MECOM: variants seen among roughly 807,000 people sequenced by gnomAD.
MECOM encodes the protein MDS1 and EVI1 complex locus.
MECOM carries 13 observed loss-of-function variants against 116.3 expected under a neutral mutation model. That is an observed-to-expected ratio of 0.11 (90% CI 0.07 to 0.18). MECOM has a LOEUF of 0.18. MECOM is among the 10% of genes least tolerant of loss of function. The pLI is 1.00. For missense variants in MECOM, 1,299 were observed against 1,509.0 expected (o/e 0.86, Z 2.31); for synonymous variants, 528 against 535.2 (o/e 0.99, Z 0.19).
At chr3:169,109,671 C>T (rs1330843245) in intron 9 of MECOM, among the ~76,000 whole-genome samples, 2 of 152,226 alleles carry the variant, frequency 1.3e-5, no homozygotes, top group Non-Finnish European at 2.9e-5. Flanking sequence ...CCGCCTCGGC[C>T]TCCCAAAGTG....
chr3:169,091,384 C>G (rs925645412), intron 14 of MECOM, among the ~76,000 whole-genome samples: 4 of 152,072 alleles, frequency 2.6e-5, no homozygotes, highest in African/African-American at 7.2e-5. Flanking sequence ...CTTCTTATTT[C>G]TGTGCTGTTT....
At chr3:169,147,844 G>C (rs1560280285) in intron 2 of MECOM, 1 of 465,698 alleles carries the variant, frequency 2.1e-6, no homozygotes, top group South Asian at 9.4e-5. Flanking sequence ...TGTGTGCACC[G>C]AGGCAGGAGG....
intron 1 of MECOM, among the ~76,000 whole-genome samples, chr3:169,526,998 G>C (rs894197708): frequency 6.6e-6 from 1 of 152,208 alleles, no homozygotes; most frequent in African/African-American, 2.4e-5. Flanking sequence ...ATTAAAAAGA[G>C]ACGAGTTTCG....
At chr3:169,363,502 C>T (rs1234204405) in intron 2 of MECOM, among the ~76,000 whole-genome samples, 1 of 151,900 alleles carries the variant, frequency 6.6e-6, no homozygotes, top group Non-Finnish European at 1.5e-5. Flanking sequence ...GATCAAGGCA[C>T]ACCTTTGTTT....
At position 169,116,191 on chromosome 3, in the gene MECOM, G is replaced by T; in HGVS notation, c.1681C>A (p.Pro561Thr). 1.9e-6 allele frequency: 3 copies of T among 1,614,154 alleles called. No homozygotes were observed. The highest frequency in any genetic ancestry group is 2.5e-6 in the Non-Finnish European group (3 of 1,180,030). Residue 561 changes from proline to threonine, a missense_variant, in exon 8 of 17, where the codon CCC becomes ACC. Around this residue, in one of 6 missense-constraint regions of MECOM, gnomAD observed 238 missense variants for 273.1 expected, o/e 0.87. Transcript: ENST00000651503. ...GGCCTCTCTTCAGAGGACCTCTCGG[G>T]CTGGAGCTCCACTGGCTTATTGTCC... ...VGDNKPVELQPERSSEERPFE... is the reference protein window; with the variant it reads ...VGDNKPVELQTERSSEERPFE...
intron 1 of MECOM, among the ~76,000 whole-genome samples, chr3:169,444,435 A>T (rs1324861224): frequency 6.6e-6 from 1 of 152,100 alleles, no homozygotes; most frequent in African/African-American, 2.4e-5. Context: ...TATTCTCGTG[A>T]TAGTGAATAA....
At chr3:169,633,819 G>A (rs915634502) in intron 1 of MECOM, among the ~76,000 whole-genome samples, 2 of 150,728 alleles carry the variant, frequency 1.3e-5, no homozygotes, top group African/African-American at 4.9e-5. Context: ...CCTAAGACAA[G>A]CAAAGGGTGA....
intron 1 of MECOM, among the ~76,000 whole-genome samples, chr3:169,433,054 T>C (rs1162026786): frequency 2.6e-5 from 4 of 152,214 alleles, no homozygotes; most frequent in African/African-American, 9.6e-5. Context: ...ATTTTTCTTT[T>C]GGAATCAAGG....
chr3:169,166,319 A>G (rs1279134551), intron 2 of MECOM, among the ~76,000 whole-genome samples: 1 of 152,118 alleles, frequency 6.6e-6, no homozygotes, highest in African/African-American at 2.4e-5. Context: ...TATTTTCAGG[A>G]CTCTAGCCTT....
intron 5 of MECOM, among the ~76,000 whole-genome samples, chr3:169,123,010 A>T (rs1407720686): frequency 3.3e-5 from 5 of 152,082 alleles, no homozygotes; most frequent in Non-Finnish European, 7.4e-5. Flanking sequence ...AAGCATGATA[A>T]ACAACAAGCT....
chr3:169,639,080 C>T (rs1289072283), intron 1 of MECOM, among the ~76,000 whole-genome samples: 1 of 152,086 alleles, frequency 6.6e-6, no homozygotes, highest in East Asian at 1.9e-4. Flanking sequence ...GTGAACCAAT[C>T]ATTAGGATTA....
At chr3:169,505,885 C>T (rs1225659753) in intron 1 of MECOM, among the ~76,000 whole-genome samples, 1 of 152,202 alleles carries the variant, frequency 6.6e-6, no homozygotes, top group East Asian at 1.9e-4. Flanking sequence ...TCTTGAAAGG[C>T]TCTCACTGCC....
rs1164704628 is a variant in MECOM, at chr3:169,434,062, C to G, written c.38-52538G>C. On this transcript the variant is annotated intron_variant, in intron 1 of 16. Transcript: ENST00000651503. Reference sequence around the variant, plus strand: ...CGTAATTGATAATTAAGATTATGTTCCCTTTAATATTTTTCAAATTTAGTT... The same window carrying G: ...CGTAATTGATAATTAAGATTATGTTGCCTTTAATATTTTTCAAATTTAGTT... Among the ~76,000 whole-genome samples the G allele has an allele frequency of 2.6e-5, 4 of 152,070 alleles. 1 individual carries two copies. The highest frequency in any genetic ancestry group is 1.3e-4 in the Admixed American group (2 of 15,268).
Position 169,367,302 on chromosome 3 carries a change from T to C in MECOM, c.375+13885A>G, listed in dbSNP as rs144787239. 4.1e-4 allele frequency among the ~76,000 whole-genome samples: 62 copies of C among 152,108 alleles called. 1 individual carries two copies. The highest frequency in any genetic ancestry group is 1.3e-3 in the African/African-American group (52 of 41,534). On this transcript the variant is annotated intron_variant, in intron 2 of 16. Coordinates refer to ENST00000651503, the MANE Select transcript of MECOM (RefSeq NM_004991.4). ...TTTAAGTTTTGCATAACATTAGTCA[T>C]GGAATTCCCCTGTGATGTTTCTAGA... is the stretch of plus-strand genomic sequence containing the variant.
At chr3:169,561,293 T>C (rs938189365) in intron 1 of MECOM, among the ~76,000 whole-genome samples, 2 of 152,114 alleles carry the variant, frequency 1.3e-5, no homozygotes, top group African/African-American at 4.8e-5. Flanking sequence ...CAATGTTCAT[T>C]GTGACATTAT....
chr3:169,382,565 T>C (rs1172813650), intron 1 of MECOM, among the ~76,000 whole-genome samples: 5 of 152,138 alleles, frequency 3.3e-5, no homozygotes, highest in African/African-American at 9.7e-5. Context: ...ACATTTCTTG[T>C]CTGCTAGGAT....
chr3:169,532,487 T>C (rs909990138), intron 1 of MECOM, among the ~76,000 whole-genome samples: 2 of 152,198 alleles, frequency 1.3e-5, no homozygotes, highest in Non-Finnish European at 2.9e-5. Flanking sequence ...CATGGACTTA[T>C]CAGGGTCAGA....
rs113779153 is a variant in MECOM, at chr3:169,233,150, C to A, written c.376-89318G>T. Among the ~76,000 whole-genome samples, 559 of 152,224 alleles carry A rather than the reference C, an allele frequency of 3.7e-3. 1 individual carries two copies. The highest frequency in any genetic ancestry group is 6.8e-3 in the Middle Eastern group (2 of 294). On this transcript the variant is annotated intron_variant, in intron 2 of 16. Transcript: ENST00000651503. ...GTCTGATACTGGTTTTCCTATGTTT[C>A]AATTATTGTGGGGCAGCCTGGAACT...
At chr3:169,607,934 G>A (rs1476911857) in intron 1 of MECOM, among the ~76,000 whole-genome samples, 1 of 152,076 alleles carries the variant, frequency 6.6e-6, no homozygotes. Context: ...CAGCTCTCTG[G>A]CAAATCTCCA....
Sources: allele counts gnomAD v4.1 joint callset (sites outside exome capture counted in the v4.1 genomes callset), GRCh38; gene constraint gnomAD v4.1.1; regional missense constraint gnomAD v4.1.1; transcripts MANE v1.5; gene names NCBI Gene and HGNC (gene_info 2026-07-23, HGNC 2026-07-21).